The following RPAP3 variants were observed in gnomAD, a reference collection of about 807,000 sequenced individuals.
RPAP3 encodes the protein RNA polymerase II-associated protein 3.
In RPAP3, 58 loss-of-function variants were observed where a neutral mutation model predicts 88.8. That is an observed-to-expected ratio of 0.65 (90% CI 0.53 to 0.81). The LOEUF is 0.81. Among genes scored for constraint, RPAP3 ranks in the 40% least tolerant of loss-of-function variants. The pLI, the probability that RPAP3 is intolerant of heterozygous loss-of-function variation, is 0.00. For synonymous variants in RPAP3, 255 were observed against 259.9 expected (o/e 0.98, Z 0.18); for missense variants, 751 against 764.3 (o/e 0.98, Z 0.20).
In RPAP3 at chr12:47,670,142, C is replaced by A. The variant is rs1042095531; in HGVS notation, c.1491G>T (p.Leu497Phe). 1.2e-6 allele frequency: 2 copies of A among 1,612,014 alleles called. No individual in the cohort carries two copies. The highest frequency in any genetic ancestry group is 2.7e-5 in the African/African-American group (2 of 74,854). Reference sequence around the variant, plus strand: ...AAGTATCACTGACTTCTTCTATTTTCAATACTTTTGCTCTTGGAGTATCAC... The same window carrying A: ...AAGTATCACTGACTTCTTCTATTTTAAATACTTTTGCTCTTGGAGTATCAC... ...PTSDTPRAKV[L>F]KIEEVSDTSS... Residue 497 changes from leucine to phenylalanine, a missense_variant, in exon 13 of 17, where the codon TTG becomes TTT. Leu to Phe is a conservative substitution (Grantham distance 22). Transcript: ENST00000005386.
chr12:47,670,149 T>G lies in RPAP3; in HGVS notation c.1484A>C (p.Lys495Thr). The change falls in exon 13 of 17, where the codon AAA becomes ACA. Residue 495 changes from lysine (K) to threonine (T), a missense_variant. Lys to Thr is a moderately conservative substitution (Grantham distance 78). Transcript: ENST00000005386. ...ACTGACTTCTTCTATTTTCAATACT[T>G]TTGCTCTTGGAGTATCACTTGTGGG... The part of the protein sequence containing the change: ...LFPTSDTPRA[K>T]VLKIEEVSDT... The G allele has an allele frequency of 6.2e-7, 1 of 1,613,246 alleles. No individual in the cohort carries two copies. The highest frequency in any genetic ancestry group is 8.5e-7 in the Non-Finnish European group (1 of 1,179,232).
At chr12:47,664,225 T>C (rs1362106295) in intron 16 of RPAP3, among the ~76,000 whole-genome samples, 1 of 151,972 alleles carries the variant, frequency 6.6e-6, no homozygotes, top group Non-Finnish European at 1.5e-5. Flanking sequence ...CCGTCTCTAC[T>C]AAAAATACAA....
intron 3 of RPAP3, chr12:47,699,690 G>A (rs1002499546): frequency 6.6e-6 from 1 of 152,196 alleles, no homozygotes; most frequent in African/African-American, 2.4e-5. Context: ...AATGTTCACA[G>A]CAGGTTTATT....
At chr12:47,671,753 G>T (rs541222686) in intron 12 of RPAP3, among the ~76,000 whole-genome samples, 6 of 152,196 alleles carry the variant, frequency 3.9e-5, no homozygotes, top group Non-Finnish European at 7.3e-5. Context: ...TTGAATTTAT[G>T]AATTTCCTAA....
In RPAP3 at chr12:47,696,420, T is replaced by C. The variant is rs1592485759; in HGVS notation, c.418-17A>G. On this transcript the variant is annotated splice_polypyrimidine_tract_variant and intron_variant, in intron 4 of 16. Transcript: ENST00000005386. Reference sequence around the variant, plus strand: ...TTTATTGCCCTGAAAGAAAATTATATAAAATGATCTTTTTTACAAATTCTG... The same window carrying C: ...TTTATTGCCCTGAAAGAAAATTATACAAAATGATCTTTTTTACAAATTCTG... 2 of 1,532,980 alleles carry C rather than the reference T, an allele frequency of 1.3e-6. No homozygotes were observed. Among genetic ancestry groups the C allele is most frequent in the East Asian group, 2.4e-5 (1 of 42,486 alleles). The allele number at this position is 1,532,980 out of a possible 1,614,324, so 95.0% of individuals were successfully genotyped here.
chr12:47,684,699 T>C (rs1418140894), intron 9 of RPAP3, among the ~76,000 whole-genome samples: 1 of 152,236 alleles, frequency 6.6e-6, no homozygotes, highest in Non-Finnish European at 1.5e-5. Flanking sequence ...TAAATGCATA[T>C]ATAATCTCTC....
chr12:47,678,267 T>TA lies in RPAP3; in HGVS notation c.1287+1225dup, dbSNP rs1939155568. 2.0e-5 allele frequency among the ~76,000 whole-genome samples: 3 copies of TA among 152,168 alleles called. No homozygotes were observed. In the South Asian group the frequency reaches 6.2e-4, roughly 31 times the overall value. The stretch of plus-strand genomic sequence containing the variant: ...ATTAATTCAAGATGGATTAAAGACT[T>TA]AAATGTTAGACCTAAAACCATAAAA... On this transcript the variant is annotated intron_variant, in intron 12 of 16. Coordinates refer to ENST00000005386, the MANE Select transcript of RPAP3 (RefSeq NM_024604.3).
At chr12:47,692,024 C>A (rs1399033315) in intron 5 of RPAP3, among the ~76,000 whole-genome samples, 1 of 152,162 alleles carries the variant, frequency 6.6e-6, no homozygotes, top group African/African-American at 2.4e-5. Context: ...TTTTTCTAAG[C>A]AGTAGGTCTC....
rs770389185 is a variant in RPAP3 at position 47,686,772 on chromosome 12, A to G, written c.992+8T>C. On this transcript the variant is annotated splice_region_variant and intron_variant, in intron 9 of 16. Coordinates refer to ENST00000005386, the MANE Select transcript of RPAP3 (RefSeq NM_024604.3). ...CCTGAACAGCACTAAAATGTAACCA[A>G]TACTTACTTCTGAATCTTCAGATAG... is the stretch of plus-strand genomic sequence containing the variant. 3.4e-5 allele frequency: 53 copies of G among 1,536,710 alleles called. No individual in the cohort carries two copies. The highest frequency in any genetic ancestry group is 4.5e-5 in the Non-Finnish European group (51 of 1,143,924).
chr12:47,680,081 G>C lies in RPAP3; in HGVS notation c.1115-307C>G, dbSNP rs1939194476. Among the ~76,000 whole-genome samples, 3 of 152,114 alleles carry C rather than the reference G, an allele frequency of 2.0e-5. No homozygotes were observed. The South Asian group carries it at 6.2e-4, about 31-fold the overall frequency. On this transcript the variant is annotated intron_variant, in intron 10 of 16. Coordinates refer to ENST00000005386, the MANE Select transcript of RPAP3 (RefSeq NM_024604.3). The stretch of plus-strand genomic sequence containing the variant: ...CAAATGACAGAGTAACTCACTAAAT[G>C]TAAAATATTAATAGAATAAGAGAAT...
chr12:47,692,236 T>C (rs561029709), intron 5 of RPAP3, among the ~76,000 whole-genome samples: 1 of 152,186 alleles, frequency 6.6e-6, no homozygotes, highest in Non-Finnish European at 1.5e-5. Flanking sequence ...AATCAGACTG[T>C]CCTTTGAAGC....
At chr12:47,687,001 C>A in intron 8 of RPAP3, 94 bp from the exon 9 acceptor site, 1 of 695,742 alleles carries the variant, frequency 1.4e-6, no homozygotes, top group Non-Finnish European at 2.2e-6. Flanking sequence ...GGATATTCAC[C>A]AACAGTATTT....
intron 6 of RPAP3, among the ~76,000 whole-genome samples, chr12:47,690,060 A>T (rs192311560): frequency 6.6e-6 from 1 of 151,194 alleles, no homozygotes; most frequent in Non-Finnish European, 1.5e-5. Flanking sequence ...AAAAAAGAAA[A>T]AAAAAAACCT....
intron 12 of RPAP3, among the ~76,000 whole-genome samples, chr12:47,672,608 C>G (rs1424063605): frequency 2.0e-5 from 3 of 149,438 alleles, no homozygotes; most frequent in Non-Finnish European, 4.5e-5. Flanking sequence ...CTATCCTCTA[C>G]TTTTTAAAAA....
chr12:47,668,234 T>C (rs1938924346), intron 14 of RPAP3, among the ~76,000 whole-genome samples: 1 of 152,166 alleles, frequency 6.6e-6, no homozygotes, highest in South Asian at 2.1e-4. Context: ...CATTAGCACT[T>C]ATGAATAATA....
chr12:47,704,935 C>G (rs1382920602), intron 1 of RPAP3, among the ~76,000 whole-genome samples: 2 of 150,644 alleles, frequency 1.3e-5, no homozygotes, highest in Non-Finnish European at 2.9e-5. Flanking sequence ...ATCGGGAGAT[C>G]GAGGCCACAG....
At chr12:47,681,961 A>T (rs1939231544) in intron 9 of RPAP3, 144 bp from the exon 10 acceptor site, 1 of 779,304 alleles carries the variant, frequency 1.3e-6, no homozygotes, top group Non-Finnish European at 1.9e-6. Context: ...GAACTATTTT[A>T]TAAATTTTTT....
chr12:47,671,791 G>A (rs1458748895), intron 12 of RPAP3, among the ~76,000 whole-genome samples: 3 of 151,476 alleles, frequency 2.0e-5, no homozygotes, highest in Admixed American at 1.3e-4. Flanking sequence ...GTGTAGACCC[G>A]GGGTACTGAG....
intron 13 of RPAP3, among the ~76,000 whole-genome samples, chr12:47,669,607 T>A (rs1053826474): frequency 2.6e-5 from 4 of 152,204 alleles, no homozygotes; most frequent in Non-Finnish European, 5.9e-5. Context: ...TAAAAATATA[T>A]GAGTAAGGTT....
Sources: allele counts gnomAD v4.1 joint callset (sites outside exome capture counted in the v4.1 genomes callset), GRCh38; gene constraint gnomAD v4.1.1; transcripts MANE v1.5; gene names NCBI Gene and HGNC (gene_info 2026-07-23, HGNC 2026-07-21).